IL1RAPL2: variants seen among roughly 807,000 people sequenced by gnomAD.
IL1RAPL2 encodes the protein interleukin 1 receptor accessory protein like 2, also known as X-linked interleukin-1 receptor accessory protein-like 2.
In IL1RAPL2, 3 loss-of-function variants were observed where a neutral mutation model predicts 44.1. The observed-to-expected ratio is 0.07, with a 90% CI of 0.03 to 0.18. The LOEUF (loss-of-function observed/expected upper bound fraction) is 0.18, where lower values mean the gene tolerates loss of function less well. Ranked by LOEUF, IL1RAPL2 falls within the 10% of genes least tolerant of loss-of-function variation. The probability of loss-of-function intolerance (pLI) is 1.00; values close to 1 mark genes in which losing one functional copy is unlikely to be tolerated. For missense variants in IL1RAPL2, 391 were observed against 496.4 expected (o/e 0.79, Z 2.02); for synonymous variants, 181 against 178.8 (o/e 1.01, Z -0.10).
intron 2 of IL1RAPL2, among the ~76,000 whole-genome samples, chrX:104,978,573 T>C (rs1295475407): frequency 2.7e-5 from 3 of 111,847 alleles, no homozygotes; most frequent in Non-Finnish European, 5.6e-5. Context: ...ATGTACCAGC[T>C]AATGCAATTA....
chrX:105,696,508 T>C (rs1219574237), intron 6 of IL1RAPL2, among the ~76,000 whole-genome samples: 1 of 111,588 alleles, frequency 9.0e-6, no homozygotes, highest in African/African-American at 3.3e-5. Context: ...AATGTGTTTA[T>C]TGACGATGAA....
intron 6 of IL1RAPL2, among the ~76,000 whole-genome samples, chrX:105,516,415 T>C (rs1488920498): frequency 1.8e-5 from 2 of 111,859 alleles, no homozygotes; most frequent in African/African-American, 6.5e-5. Flanking sequence ...GATTACAAGA[T>C]GGCATGACAT....
intron 2 of IL1RAPL2, among the ~76,000 whole-genome samples, chrX:104,895,936 A>G (rs1189811784): frequency 9.0e-6 from 1 of 111,728 alleles, no homozygotes; most frequent in African/African-American, 3.3e-5. Flanking sequence ...CCATCTCCCA[A>G]ATAGACTCTT....
At chrX:105,041,482 T>C (rs2147759435) in intron 2 of IL1RAPL2, among the ~76,000 whole-genome samples, 1 of 110,598 alleles carries the variant, frequency 9.0e-6, no homozygotes, top group South Asian at 3.9e-4. Context: ...AGTGGGGTGT[T>C]AAAGTCTCCC....
chrX:104,799,519 C>A (rs1376315147), intron 2 of IL1RAPL2, among the ~76,000 whole-genome samples: 1 of 111,474 alleles, frequency 9.0e-6, no homozygotes, highest in East Asian at 2.8e-4. Flanking sequence ...GGTCCAGAGA[C>A]CACATTTCGA....
intron 6 of IL1RAPL2, among the ~76,000 whole-genome samples, chrX:105,573,452 T>C (rs1262407843): frequency 9.0e-6 from 1 of 111,421 alleles, no homozygotes; most frequent in African/African-American, 3.3e-5. Flanking sequence ...AGTATTGTTA[T>C]GCAGGAAAGA....
At chrX:105,475,659 C>T (rs1432750283) in intron 5 of IL1RAPL2, among the ~76,000 whole-genome samples, 1 of 104,430 alleles carries the variant, frequency 9.6e-6, no homozygotes, top group Non-Finnish European at 2.0e-5. Flanking sequence ...AAAAAGGCAA[C>T]AGTGAAGAAA....
intron 5 of IL1RAPL2, among the ~76,000 whole-genome samples, chrX:105,460,033 C>T (rs1484168099): frequency 9.0e-6 from 1 of 111,183 alleles, no homozygotes; most frequent in East Asian, 2.8e-4. Flanking sequence ...AATCCTTTGC[C>T]AGCAGATTGT....
At chrX:105,747,512 GTGTGTATA>G (rs1369576646) in intron 8 of IL1RAPL2, among the ~76,000 whole-genome samples, 1 of 54,197 alleles carries the variant, frequency 1.8e-5, no homozygotes, top group Non-Finnish European at 3.5e-5. Flanking sequence ...GTGTGTGTGT[GTGTGTATA>G]TATATATATA....
chrX:104,672,401 C>G (rs1184451970), intron 2 of IL1RAPL2, among the ~76,000 whole-genome samples: 1 of 110,897 alleles, frequency 9.0e-6, no homozygotes, highest in African/African-American at 3.3e-5. Flanking sequence ...CCAATTTCAT[C>G]CATGTCCATA....
intron 2 of IL1RAPL2, among the ~76,000 whole-genome samples, chrX:105,047,843 A>G (rs1367513036): frequency 8.9e-6 from 1 of 112,175 alleles, no homozygotes; most frequent in Non-Finnish European, 1.9e-5. Context: ...ATGACATTAA[A>G]GAAAATCCCA....
At chrX:105,278,050 A>G (rs1315937799) in intron 5 of IL1RAPL2, among the ~76,000 whole-genome samples, 1 of 111,658 alleles carries the variant, frequency 9.0e-6, no homozygotes, top group South Asian at 3.8e-4. Context: ...TCATGTTTCT[A>G]TGCCCTACAG....
At chrX:105,007,268 C>T (rs1184050504) in intron 2 of IL1RAPL2, among the ~76,000 whole-genome samples, 3 of 111,415 alleles carry the variant, frequency 2.7e-5, no homozygotes, top group Non-Finnish European at 5.7e-5. Context: ...AATAATTCTT[C>T]ATCAGAAACA....
chrX:105,358,735 T>G (rs2035226072), intron 5 of IL1RAPL2, among the ~76,000 whole-genome samples: 1 of 110,289 alleles, frequency 9.1e-6, no homozygotes, highest in African/African-American at 3.3e-5. Flanking sequence ...AATGGGTTAC[T>G]TTTTAATGCT....
chrX:105,048,023 C>T (rs1308235867), intron 2 of IL1RAPL2, among the ~76,000 whole-genome samples: 1 of 111,338 alleles, frequency 9.0e-6, no homozygotes, highest in Non-Finnish European at 1.9e-5. Context: ...CTTCCCAGAC[C>T]ACCACTGAGA....
chrX:104,675,666 G>T (rs1284424072), intron 2 of IL1RAPL2, among the ~76,000 whole-genome samples: 1 of 110,725 alleles, frequency 9.0e-6, no homozygotes, highest in Non-Finnish European at 1.9e-5. Context: ...TTGACTTTCT[G>T]TCTCTTTGAT....
chrX:104,691,801 C>T (rs754297619), intron 2 of IL1RAPL2, among the ~76,000 whole-genome samples: 27 of 111,507 alleles, frequency 2.4e-4, no homozygotes, highest in Non-Finnish European at 3.8e-4. Flanking sequence ...TGGATCTTGG[C>T]ATCTGACTTT....
At chrX:105,193,277 A>G (rs1396503524) in intron 2 of IL1RAPL2, among the ~76,000 whole-genome samples, 3 of 111,815 alleles carry the variant, frequency 2.7e-5, no homozygotes, top group African/African-American at 9.8e-5. Flanking sequence ...CAAATTTGTT[A>G]ATTCAAAAAT....
chrX:105,689,459 A>C (rs1028502948), intron 6 of IL1RAPL2, among the ~76,000 whole-genome samples: 1 of 112,552 alleles, frequency 8.9e-6, no homozygotes, highest in Non-Finnish European at 1.9e-5. Context: ...CAACAGACGC[A>C]TGAAAAACTG....
Sources: gnomAD v4.1 joint callset for allele counts (sites outside exome capture counted in the v4.1 genomes callset) on GRCh38, gnomAD v4.1.1 for gene constraint, MANE v1.5 for transcripts, NCBI Gene and HGNC (gene_info 2026-07-23, HGNC 2026-07-21) for gene names.